Variants in RYR3 observed in about 807,000 individuals in gnomAD.
The protein encoded by RYR3 is ryanodine receptor 3.
Under a neutral mutation model 584.3 loss-of-function variants are expected in RYR3, and 207 were observed. The ratio of observed to expected loss-of-function variants is 0.35; its 90% CI spans 0.32 to 0.40. The LOEUF (loss-of-function observed/expected upper bound fraction) is 0.40, where lower values mean the gene tolerates loss of function less well. Ranked by LOEUF, RYR3 falls within the 10% of genes least tolerant of loss-of-function variation. RYR3 has a pLI of 1.00. For missense variants in RYR3, 5,616 were observed against 6,089.2 expected (o/e 0.92, Z 2.59); for synonymous variants, 2,416 against 2,248.5 (o/e 1.07, Z -2.11).
chr15:33,864,812 G>T (rs1009408306), intron 103 of RYR3: 3 of 264,098 alleles, frequency 1.1e-5, no homozygotes, highest in Non-Finnish European at 1.4e-5. Context: ...GCATTCCTCC[G>T]TCTTCCACCA....
At chr15:33,705,277 G>T (rs2066616316) in intron 42 of RYR3, among the ~76,000 whole-genome samples, 1 of 152,048 alleles carries the variant, frequency 6.6e-6, no homozygotes, top group South Asian at 2.1e-4. Context: ...TATCTTTACT[G>T]GTTTAAGAAG....
chr15:33,737,864 A>C (rs758524160), intron 49 of RYR3, among the ~76,000 whole-genome samples: 12 of 152,174 alleles, frequency 7.9e-5, no homozygotes, highest in Non-Finnish European at 1.3e-4. Flanking sequence ...TGGGATGGAA[A>C]CATTACTGGT....
intron 53 of RYR3, among the ~76,000 whole-genome samples, chr15:33,747,873 A>G (rs2070900054): frequency 6.6e-6 from 1 of 152,216 alleles, no homozygotes; most frequent in African/African-American, 2.4e-5. Context: ...AGATAATGTC[A>G]TTAATAATGT....
chr15:33,621,603 G>T (rs17817434), intron 19 of RYR3, among the ~76,000 whole-genome samples: 7,858 of 152,110 alleles, frequency 0.052, 258 homozygotes, highest in Non-Finnish European at 0.069. Flanking sequence ...TAATGTAGGC[G>T]CATTCACAAG....
chr15:33,823,156 C>A, intron 81 of RYR3, 84 bp downstream of exon 81: 1 of 1,110,698 alleles, frequency 9.0e-7, no homozygotes, highest in South Asian at 1.5e-5. Context: ...ACAAAATATA[C>A]TGGCCTACCA....
chr15:33,731,886 C>T (rs1157419372), intron 48 of RYR3, among the ~76,000 whole-genome samples, 192 bp downstream of exon 48: 2 of 152,236 alleles, frequency 1.3e-5, no homozygotes, highest in Non-Finnish European at 2.9e-5. Flanking sequence ...TGAGGCTCAT[C>T]TTTCCCTTTG....
chr15:33,796,938 C>CA (rs1231575651), intron 67 of RYR3, among the ~76,000 whole-genome samples: 4 of 152,136 alleles, frequency 2.6e-5, no homozygotes, highest in Non-Finnish European at 4.4e-5. Context: ...ATTAAAAGGA[C>CA]AAAATCGTGT....
intron 17 of RYR3, among the ~76,000 whole-genome samples, chr15:33,602,149 A>G (rs1000968795): frequency 1.3e-5 from 2 of 152,222 alleles, no homozygotes; most frequent in African/African-American, 4.8e-5. Context: ...ACACTAATCC[A>G]CAATGGCAAG....
Position 33,827,190 on chromosome 15 carries a change from T to C in RYR3, c.11246-9T>C, listed in dbSNP as rs1179346637. 6.4e-7 allele frequency: 1 copy of C among 1,551,478 alleles called. No individual in the cohort carries two copies. The highest frequency in any genetic ancestry group is 2.0e-5 in the Admixed American group (1 of 50,992). On this transcript the variant is annotated splice_polypyrimidine_tract_variant and intron_variant, in intron 84 of 103. Coordinates refer to ENST00000634891, the MANE Select transcript of RYR3 (RefSeq NM_001036.6). ...GGGACAAGCTCTGACCCAGCACTGGTGCTCTCAGACTTTCAGAACTTCCTG... is the reference window on the plus strand; with the variant it reads ...GGGACAAGCTCTGACCCAGCACTGGCGCTCTCAGACTTTCAGAACTTCCTG...
At chr15:33,709,454 G>A (rs545522755) in intron 43 of RYR3, among the ~76,000 whole-genome samples, 1 of 152,314 alleles carries the variant, frequency 6.6e-6, no homozygotes, top group Admixed American at 6.5e-5. Flanking sequence ...TAGTGCTATT[G>A]TTTAAATGTG....
intron 85 of RYR3, among the ~76,000 whole-genome samples, chr15:33,828,079 C>A (rs1012030370): frequency 2.0e-5 from 3 of 152,214 alleles, no homozygotes; most frequent in Admixed American, 1.3e-4. Flanking sequence ...ATGATTCTCA[C>A]AATATTTCCA....
chr15:33,538,656 C>T (rs777929525), intron 5 of RYR3, among the ~76,000 whole-genome samples: 2 of 152,160 alleles, frequency 1.3e-5, no homozygotes, highest in Non-Finnish European at 2.9e-5. Flanking sequence ...CCACCAGTCC[C>T]GTTTTCAACC....
In RYR3 at chr15:33,841,005, C is replaced by G. The variant is rs1002412274; in HGVS notation, c.13037+122C>G. ...GGCTGAGGCTGGAGGATCACTTGAA[C>G]CCAGGACTTCGAGACCATCCTGGGC... is the stretch of plus-strand genomic sequence containing the variant. On this transcript the variant is annotated intron_variant, in intron 90 of 103. Transcript: ENST00000634891. 1.2e-5 allele frequency: 10 copies of G among 856,802 alleles called. No individual in the cohort carries two copies. In the Admixed American group the frequency reaches 1.6e-4, roughly 13 times the overall value. 53.1% of individuals were successfully genotyped at this position (856,802 alleles called of 1,614,324 possible).
At chr15:33,539,887 C>A (rs888700816) in intron 6 of RYR3, among the ~76,000 whole-genome samples, 41 of 152,172 alleles carry the variant, frequency 2.7e-4, no homozygotes, top group African/African-American at 8.7e-4. Context: ...TCCTTGTCAT[C>A]TTCACGTTGA....
intron 1 of RYR3, among the ~76,000 whole-genome samples, chr15:33,354,623 C>T (rs984913063): frequency 1.5e-4 from 23 of 152,220 alleles, no homozygotes; most frequent in Admixed American, 8.5e-4. Context: ...TTGATTTAAT[C>T]AGCTTTCTGT....
intron 12 of RYR3, among the ~76,000 whole-genome samples, chr15:33,571,230 T>TA (rs1229722830): frequency 6.6e-6 from 1 of 152,232 alleles, no homozygotes; most frequent in African/African-American, 2.4e-5. Context: ...TTTTTGTAGA[T>TA]ACCCTTTATC....
rs765160104 is a variant in RYR3, at chr15:33,810,563, C to T, written c.10111C>T (p.Leu3371Phe). Residue 3371 changes from leucine to phenylalanine, a missense_variant, in exon 71 of 104, where the codon CTC (leucine) becomes TTC (phenylalanine). Physicochemically the swap from Leu to Phe is conservative, Grantham distance 22. Around this residue, in one of 9 missense-constraint regions of RYR3, gnomAD observed 954 missense variants for 1,132.2 expected, o/e 0.84. Transcript: ENST00000634891. Reference protein sequence around the residue: ...SIQTSLIVAALKKMLPIGLNM... With the variant: ...SIQTSLIVAAFKKMLPIGLNM... Reference sequence around the variant, plus strand: ...CCAGACCTCCCTCATCGTGGCTGCACTCAAGAAAATGCTGCCCATTGGTTT... The same window carrying T: ...CCAGACCTCCCTCATCGTGGCTGCATTCAAGAAAATGCTGCCCATTGGTTT... 4 of 1,614,030 alleles carry T rather than the reference C, an allele frequency of 2.5e-6. No homozygotes were observed. The highest frequency in any genetic ancestry group is 2.2e-5 in the South Asian group (2 of 91,088).
rs750578761 is a variant in RYR3, at chr15:33,838,653, A to G, written c.12673A>G (p.Asn4225Asp). 3.7e-6 allele frequency: 6 copies of G among 1,613,840 alleles called. No homozygotes were observed. In the Admixed American group the frequency reaches 8.3e-5, roughly 22 times the overall value. Residue 4225 changes from asparagine (N) to aspartate (D), a missense_variant, in exon 89 of 104, where the codon AAC (asparagine) becomes GAC (aspartate). Asn to Asp is a conservative substitution (Grantham distance 23, BLOSUM62 1). Coordinates refer to ENST00000634891, the MANE Select transcript of RYR3 (RefSeq NM_001036.6). ...FGGGLVEGAK[N>D]IRVTKILGDM... The stretch of plus-strand genomic sequence containing the variant: ...AGGGGGCCTGGTAGAAGGGGCAAAG[A>G]ACATCAGAGTGACCAAGATCCTGGG...
intron 2 of RYR3, among the ~76,000 whole-genome samples, chr15:33,494,152 C>A (rs1027665704): frequency 6.6e-6 from 1 of 151,828 alleles, no homozygotes; most frequent in African/African-American, 2.4e-5. Flanking sequence ...CTCAGCAAGT[C>A]TTTTGTCAAA....
Sources: gnomAD v4.1 joint callset for allele counts (sites outside exome capture counted in the v4.1 genomes callset) on GRCh38, gnomAD v4.1.1 for gene constraint, gnomAD v4.1.1 regional missense constraint, MANE v1.5 for transcripts, NCBI Gene and HGNC (gene_info 2026-07-23, HGNC 2026-07-21) for gene names.